Variants in ME1 observed in about 807,000 individuals in gnomAD.
ME1 encodes the protein malic enzyme 1.
ME1 carries 74 observed loss-of-function variants against 66.4 expected under a neutral mutation model. The observed-to-expected ratio is 1.11, with a 90% CI of 0.92 to 1.35. The LOEUF (loss-of-function observed/expected upper bound fraction) is 1.35, where lower values mean the gene tolerates loss of function less well. Ranked by LOEUF, ME1 falls within the 40% of genes most tolerant of loss-of-function variation. ME1 has a pLI of 0.00. For synonymous variants in ME1, 251 were observed against 235.6 expected (o/e 1.07, Z -0.60); for missense variants, 750 against 694.1 (o/e 1.08, Z -0.90).
chr6:83,286,406 G>C (rs963471504), intron 6 of ME1, among the ~76,000 whole-genome samples: 2 of 152,016 alleles, frequency 1.3e-5, no homozygotes, highest in African/African-American at 4.8e-5. Context: ...AAAAAATAAT[G>C]CTTCTTTAAC....
chr6:83,322,040 A>G (rs1222228198), intron 5 of ME1, among the ~76,000 whole-genome samples: 1 of 152,254 alleles, frequency 6.6e-6, no homozygotes, highest in Non-Finnish European at 1.5e-5. Context: ...AGCAAACTCC[A>G]GCAGACCTGC....
chr6:83,330,407 C>T (rs902422090), intron 5 of ME1, among the ~76,000 whole-genome samples: 11 of 152,106 alleles, frequency 7.2e-5, no homozygotes, highest in Non-Finnish European at 5.9e-5. Flanking sequence ...ACTAAAATGT[C>T]AGCATGCATA....
At chr6:83,328,522 A>G (rs1004072283) in intron 5 of ME1, among the ~76,000 whole-genome samples, 3 of 152,296 alleles carry the variant, frequency 2.0e-5, no homozygotes, top group South Asian at 4.2e-4. Context: ...TTAATTTCAT[A>G]ATTTTAATTA....
At chr6:83,317,375 T>C (rs936615320) in intron 5 of ME1, among the ~76,000 whole-genome samples, 1 of 151,994 alleles carries the variant, frequency 6.6e-6, no homozygotes, top group African/African-American at 2.4e-5. Flanking sequence ...GAAGAGGTCC[T>C]TCACATCCCT....
chr6:83,398,303 T>G (rs1463941075), intron 3 of ME1, 64 bp downstream of exon 3: 4 of 1,132,010 alleles, frequency 3.5e-6, no homozygotes, highest in African/African-American at 3.3e-5. Flanking sequence ...AATTTTAAAT[T>G]CGTTAAAAAA....
intron 6 of ME1, among the ~76,000 whole-genome samples, chr6:83,303,484 G>A (rs1767767448): frequency 6.6e-6 from 1 of 152,054 alleles, no homozygotes; most frequent in African/African-American, 2.4e-5. Flanking sequence ...TAAACTTTGG[G>A]TAGCAAGGGA....
At chr6:83,389,628 G>A (rs1769580714) in intron 3 of ME1, among the ~76,000 whole-genome samples, 1 of 152,012 alleles carries the variant, frequency 6.6e-6, no homozygotes, top group Admixed American at 6.6e-5. Context: ...AAATACAGTA[G>A]GTAGAAATAT....
intron 11 of ME1, 35 bp downstream of exon 11, chr6:83,227,300 T>C (rs751023635): frequency 5.7e-6 from 8 of 1,410,534 alleles, no homozygotes; most frequent in Non-Finnish European, 7.5e-6. Context: ...AATAAAAATT[T>C]GATTATTAAA....
At chr6:83,289,258 C>A (rs1019747155) in intron 6 of ME1, among the ~76,000 whole-genome samples, 6 of 152,144 alleles carry the variant, frequency 3.9e-5, no homozygotes, top group African/African-American at 1.4e-4. Flanking sequence ...CCAGTTTTTG[C>A]CCATTCAGTA....
chr6:83,322,585 G>C (rs979628399), intron 5 of ME1, among the ~76,000 whole-genome samples: 1 of 152,104 alleles, frequency 6.6e-6, no homozygotes, highest in African/African-American at 2.4e-5. Context: ...ATGAAATAAA[G>C]TTTGAAGACA....
Position 83,253,699 on chromosome 6 carries a change from G to A in ME1, c.744C>T (p.Ala248=). Reference sequence around the variant, plus strand: ...TCAGGAGACGAAATGCATTCACATTGGCAAAATCTTCAAACTGAATAAGGC... The same window carrying A: ...TCAGGAGACGAAATGCATTCACATTAGCAAAATCTTCAAACTGAATAAGGC... ...MNCLIQFEDF[A]NVNAFRLLNK... Residue 248 remains alanine (A), a synonymous_variant, in exon 7 of 14, where the codon GCC becomes GCT. Coordinates refer to ENST00000369705, the MANE Select transcript of ME1 (RefSeq NM_002395.6). 2 of 1,610,162 alleles carry A rather than the reference G, an allele frequency of 1.2e-6. No homozygotes were observed. Among genetic ancestry groups the A allele is most frequent in the Non-Finnish European group, 1.7e-6 (2 of 1,177,150 alleles).
chr6:83,285,817 CA>C (rs2128533909), intron 6 of ME1, among the ~76,000 whole-genome samples: 2 of 152,288 alleles, frequency 1.3e-5, no homozygotes, highest in African/African-American at 4.8e-5. Context: ...AAAAGATTAT[CA>C]AACTGTTTTG....
intron 3 of ME1, among the ~76,000 whole-genome samples, chr6:83,388,673 G>A (rs150196592): frequency 3.9e-4 from 60 of 152,090 alleles, no homozygotes; most frequent in African/African-American, 5.8e-4. Flanking sequence ...CAGTTAATTC[G>A]AGCACTGAAT....
At position 83,223,850 on chromosome 6, in the gene ME1, G is replaced by A. The variant is rs1790136727; in HGVS notation, c.1359C>T (p.Asn453=). Residue 453 remains asparagine, a synonymous_variant, in exon 12 of 14, where the codon AAC becomes AAT. Coordinates refer to ENST00000369705, the MANE Select transcript of ME1 (RefSeq NM_002395.6). ...NGQTLYPGQG[N]NSYVFPGVAL... ...CAACTCCAGGGAACACATAGGAATT[G>A]TTGCCTTGGCCAGGATATAGGGTCT... 2 of 1,614,006 alleles carry A rather than the reference G, an allele frequency of 1.2e-6. No homozygotes were observed. The highest frequency in any genetic ancestry group is 1.7e-5 in the Admixed American group (1 of 60,022).
intron 6 of ME1, among the ~76,000 whole-genome samples, chr6:83,310,077 G>A (rs1001994596): frequency 2.6e-5 from 4 of 152,130 alleles, no homozygotes; most frequent in African/African-American, 9.7e-5. Context: ...TAATATCCAA[G>A]CTAATTAATC....
chr6:83,340,417 A>G (rs902284977), intron 5 of ME1, among the ~76,000 whole-genome samples: 2 of 152,206 alleles, frequency 1.3e-5, no homozygotes, highest in Admixed American at 6.5e-5. Flanking sequence ...TTATTTCAAC[A>G]TTAAAATATT....
intron 6 of ME1, among the ~76,000 whole-genome samples, chr6:83,282,032 G>C (rs184275192): frequency 1.3e-5 from 2 of 150,752 alleles, no homozygotes; most frequent in Admixed American, 1.3e-4. Flanking sequence ...AAATAGAATT[G>C]AAAGTTTCAT....
intron 6 of ME1, among the ~76,000 whole-genome samples, chr6:83,284,947 T>G (rs1178946848): frequency 6.6e-6 from 1 of 152,162 alleles, no homozygotes; most frequent in African/African-American, 2.4e-5. Flanking sequence ...ATTTATCACA[T>G]TTAAAAATCC....
intron 12 of ME1, among the ~76,000 whole-genome samples, chr6:83,221,352 T>G (rs905979393): frequency 2.0e-5 from 3 of 152,202 alleles, no homozygotes; most frequent in Non-Finnish European, 4.4e-5. Context: ...TGGTGGTATT[T>G]AAGCAGTACC....
Sources: allele counts gnomAD v4.1 joint callset (sites outside exome capture counted in the v4.1 genomes callset), GRCh38; gene constraint gnomAD v4.1.1; transcripts MANE v1.5; gene names NCBI Gene and HGNC (gene_info 2026-07-23, HGNC 2026-07-21).